The following SHANK2 variants were observed in gnomAD, a reference collection of about 807,000 sequenced individuals.
The protein encoded by SHANK2 is SH3 and multiple ankyrin repeat domains 2.
Under a neutral mutation model 133.7 loss-of-function variants are expected in SHANK2, and 43 were observed. That is an observed-to-expected ratio of 0.32 (90% CI 0.25 to 0.41). The LOEUF is 0.41. Among genes scored for constraint, SHANK2 ranks in the 10% least tolerant of loss-of-function variants. SHANK2 has a pLI of 1.00. For missense variants in SHANK2, 1,994 were observed against 2,235.8 expected, an observed-to-expected ratio of 0.89 and a Z score of 2.18; for synonymous variants, 1,017 against 952.8, an observed-to-expected ratio of 1.07 and a Z score of -1.24.
intron 17 of SHANK2, among the ~76,000 whole-genome samples, chr11:70,510,101 A>G (rs569201323): frequency 1.3e-5 from 2 of 152,278 alleles, no homozygotes; most frequent in South Asian, 4.1e-4. Context: ...CAGGTGACCC[A>G]GGAGTGACTG....
intron 1 of SHANK2, among the ~76,000 whole-genome samples, chr11:71,243,626 C>T (rs187921445): frequency 1.2e-3 from 177 of 152,210 alleles, no homozygotes; most frequent in African/African-American, 4.1e-3. Flanking sequence ...GCCCGGGAGG[C>T]GGAGCTTGCA....
At chr11:70,860,309 C>T (rs956881804) in intron 11 of SHANK2, among the ~76,000 whole-genome samples, 1 of 152,194 alleles carries the variant, frequency 6.6e-6, no homozygotes, top group Non-Finnish European at 1.5e-5. Flanking sequence ...CTCTCATCAG[C>T]CTGAATGTCC....
chr11:70,550,760 C>A (rs565647052), intron 17 of SHANK2, among the ~76,000 whole-genome samples: 2 of 152,322 alleles, frequency 1.3e-5, no homozygotes, highest in South Asian at 4.1e-4. Context: ...AGTCCTGGGC[C>A]ACGGGGCTCT....
intron 25 of SHANK2, among the ~76,000 whole-genome samples, chr11:70,482,196 G>A (rs1397338105): frequency 6.6e-6 from 1 of 152,260 alleles, no homozygotes; most frequent in Non-Finnish European, 1.5e-5. Flanking sequence ...AACTCTGAGT[G>A]TAAAGTGTAA....
intron 14 of SHANK2, among the ~76,000 whole-genome samples, chr11:70,767,489 A>C (rs1947146816): frequency 6.6e-6 from 1 of 152,182 alleles, no homozygotes; most frequent in Non-Finnish European, 1.5e-5. Context: ...CATAACGAAC[A>C]TGGTCCATAC....
chr11:71,253,098 T>C (rs1948216616), upstream of SHANK2, among the ~76,000 whole-genome samples: 1 of 151,930 alleles, frequency 6.6e-6, no homozygotes, highest in South Asian at 2.1e-4. Context: ...CGCCCAGGGG[T>C]GCACAACGGT....
At chr11:70,496,381 C>T (rs1224270976) in intron 21 of SHANK2, among the ~76,000 whole-genome samples, 1 of 152,194 alleles carries the variant, frequency 6.6e-6, no homozygotes, top group African/African-American at 2.4e-5. Flanking sequence ...GGGTCTGCTG[C>T]CCGGCCTCCC....
At chr11:71,211,201 T>G (rs1954271896) in intron 2 of SHANK2, among the ~76,000 whole-genome samples, 1 of 151,122 alleles carries the variant, frequency 6.6e-6, no homozygotes, top group African/African-American at 2.4e-5. Flanking sequence ...CCTTTTTTTT[T>G]TTTTTTTTTT....
intron 14 of SHANK2, among the ~76,000 whole-genome samples, chr11:70,763,053 T>G (rs993472916): frequency 6.6e-6 from 1 of 152,152 alleles, no homozygotes; most frequent in African/African-American, 2.4e-5. Flanking sequence ...CCCCTTTCCC[T>G]GCCAAGGAGC....
intron 3 of SHANK2, among the ~76,000 whole-genome samples, chr11:71,125,648 G>C (rs1952168047): frequency 6.6e-6 from 1 of 152,212 alleles, no homozygotes; most frequent in African/African-American, 2.4e-5. Flanking sequence ...AGCAGCAAGT[G>C]CTGATGGAGA....
chr11:70,781,137 G>T (rs1562196), intron 14 of SHANK2, among the ~76,000 whole-genome samples: 2 of 151,918 alleles, frequency 1.3e-5, no homozygotes, highest in Non-Finnish European at 2.9e-5. Flanking sequence ...GAAACTCATA[G>T]GGCTGTGAGA....
intron 1 of SHANK2, among the ~76,000 whole-genome samples, chr11:71,230,753 C>A (rs1954729042): frequency 6.6e-6 from 1 of 152,034 alleles, no homozygotes; most frequent in Non-Finnish European, 1.5e-5. Context: ...CAATACAGAG[C>A]CCAGAAAAAA....
Position 70,707,687 on chromosome 11 carries a change from G to T in SHANK2, c.1778-8924C>A, listed in dbSNP as rs1555025259. ...GTTTACAGGGCTGCACTGAGGACAAGATGAATGCACACTTCTAAATAAATC... is the reference window on the plus strand; with the variant it reads ...GTTTACAGGGCTGCACTGAGGACAATATGAATGCACACTTCTAAATAAATC... On this transcript the variant is annotated intron_variant, in intron 14 of 25. Coordinates refer to ENST00000601538, the MANE Select transcript of SHANK2 (RefSeq NM_012309.5). Among the ~76,000 whole-genome samples, 2 of 152,194 alleles carry T rather than the reference G, an allele frequency of 1.3e-5. 1 individual carries two copies. Among genetic ancestry groups the T allele is most frequent in the Non-Finnish European group, 2.9e-5 (2 of 68,046 alleles).
At chr11:70,481,297 T>G (rs185755030) in intron 25 of SHANK2, among the ~76,000 whole-genome samples, 1 of 152,380 alleles carries the variant, frequency 6.6e-6, no homozygotes, top group East Asian at 1.9e-4. Flanking sequence ...GCAAATTCCA[T>G]GTCATCCTTG....
At chr11:71,122,209 C>T (rs1255710351) in intron 3 of SHANK2, among the ~76,000 whole-genome samples, 16 of 151,864 alleles carry the variant, frequency 1.1e-4, no homozygotes, top group African/African-American at 1.5e-4. Flanking sequence ...ATGTTTACTG[C>T]GGCACTATTC....
At chr11:70,659,992 T>C in intron 16 of SHANK2, 40 bp from the exon 17 acceptor site, 1 of 1,614,020 alleles carries the variant, frequency 6.2e-7, no homozygotes, top group South Asian at 1.1e-5. Flanking sequence ...GCCTGGGAGA[T>C]GTCTTCCAAG....
intron 11 of SHANK2, among the ~76,000 whole-genome samples, chr11:70,881,697 A>AGCTCTTTT (rs2135582052): frequency 6.7e-6 from 1 of 149,104 alleles, no homozygotes; most frequent in African/African-American, 2.5e-5. Context: ...AGAATTCCAG[A>AGCTCTTTT]GCTCTTTTGA....
intron 2 of SHANK2, among the ~76,000 whole-genome samples, chr11:71,161,212 A>G (rs1953007664): frequency 6.6e-6 from 1 of 152,132 alleles, no homozygotes; most frequent in Non-Finnish European, 1.5e-5. Context: ...GACAAAATGG[A>G]CTCTTTGTAG....
chr11:70,681,548 C>G (rs537387202), intron 15 of SHANK2, among the ~76,000 whole-genome samples: 77 of 152,318 alleles, frequency 5.1e-4, no homozygotes, highest in Admixed American at 1.2e-3. Context: ...AGCGGCACTG[C>G]CTCAGCCACC....
Sources: gnomAD v4.1 joint callset for allele counts (sites outside exome capture counted in the v4.1 genomes callset) on GRCh38, gnomAD v4.1.1 for gene constraint, MANE v1.5 for transcripts, NCBI Gene and HGNC (gene_info 2026-07-23, HGNC 2026-07-21) for gene names.